The following TRIM46 variants were observed in gnomAD, a reference collection of about 807,000 sequenced individuals.
TRIM46 encodes the protein tripartite motif containing 46.
In TRIM46, 17 loss-of-function variants were observed where a neutral mutation model predicts 69.7. That is an observed-to-expected ratio of 0.24 (90% CI 0.17 to 0.37). The LOEUF is 0.37. Ranked by LOEUF, TRIM46 falls within the 10% of genes least tolerant of loss-of-function variation. TRIM46 has a pLI of 1.00. For missense variants in TRIM46, 675 were observed against 1,025.1 expected (o/e 0.66, Z 4.66); for synonymous variants, 391 against 429.0 (o/e 0.91, Z 1.09).
chr1:155,174,724 C>G, intron 1 of TRIM46: 1 of 1,442,024 alleles, frequency 6.9e-7, no homozygotes, highest in Non-Finnish European at 9.1e-7. Flanking sequence ...GGGGAGGGGG[C>G]GAGTAGGCGG....
rs559992725 is a variant in TRIM46, at chr1:155,176,427, A to T, written c.669+196A>T. On this transcript the variant is annotated intron_variant, in intron 3 of 9. Transcript: ENST00000334634. ...GCCTCCATCTCATTTACATCCCTGTAGGGGGATGGTAGTATCTGCCCTGCA... is the reference window on the plus strand; with the variant it reads ...GCCTCCATCTCATTTACATCCCTGTTGGGGGATGGTAGTATCTGCCCTGCA... Among the ~76,000 whole-genome samples the T allele has an allele frequency of 3.3e-5, 5 of 152,350 alleles. No individual in the cohort carries two copies. In the South Asian group the frequency reaches 1.0e-3, roughly 32 times the overall value.
chr1:155,183,039 T>C (rs1371104022), intron 9 of TRIM46, among the ~76,000 whole-genome samples: 3 of 150,948 alleles, frequency 2.0e-5, no homozygotes, highest in East Asian at 2.0e-4. Flanking sequence ...GCCTCCCGAG[T>C]AGCTGGGACT....
chr1:155,178,643 C>T (rs373216490), intron 7 of TRIM46, 30 bp downstream of exon 7: 2 of 1,608,372 alleles, frequency 1.2e-6, no homozygotes, highest in Non-Finnish European at 1.7e-6. Flanking sequence ...CCATGCCCAA[C>T]CAGAGCCTTC....
chr1:155,182,968 C>T (rs1266747270), intron 9 of TRIM46: 2 of 137,314 alleles, frequency 1.5e-5, no homozygotes, highest in Non-Finnish European at 3.1e-5. Flanking sequence ...TGGAGTCTAG[C>T]GGCGCGATCT....
In TRIM46 at chr1:155,178,575, G is replaced by C; in HGVS notation, c.1247G>C (p.Arg416Pro). The change falls in exon 7 of 10, where the codon CGT becomes CCT. Residue 416 changes from arginine to proline, a missense_variant. Arg to Pro is a moderately radical substitution (Grantham distance 103). This residue lies in a region of TRIM46 where 361 missense variants were observed against 498.3 expected (regional missense o/e 0.72). Transcript: ENST00000334634. ...SFRHCQLDVG[R>P]EMKLLTELNF... ...CGCCATTGCCAGCTCGACGTGGGAC[G>C]TGAGATGAAGCTGCTGACAGAGCTT... The C allele has an allele frequency of 6.2e-7, 1 of 1,614,010 alleles. No individual in the cohort carries two copies. Among genetic ancestry groups the C allele is most frequent in the Non-Finnish European group, 8.5e-7 (1 of 1,180,018 alleles).
chr1:155,178,754 C>G, intron 7 of TRIM46, 141 bp downstream of exon 7: 1 of 1,500,892 alleles, frequency 6.7e-7, no homozygotes, highest in Non-Finnish European at 8.9e-7. Flanking sequence ...CCCAGCCCAC[C>G]CTGCCACACC....
intron 9 of TRIM46, among the ~76,000 whole-genome samples, chr1:155,183,341 C>G (rs1666323839): frequency 6.6e-6 from 1 of 151,758 alleles, no homozygotes; most frequent in Admixed American, 6.6e-5. Flanking sequence ...ACCCCATTGT[C>G]CCCAACCCCG....
chr1:155,174,634 G>T, intron 1 of TRIM46: 1 of 1,527,880 alleles, frequency 6.5e-7, no homozygotes, highest in South Asian at 1.2e-5. Context: ...GCGAAGAGAG[G>T]GACCAAGGTG....
At chr1:155,178,739 T>TTTGCCCCCCCCCC in intron 7 of TRIM46, 126 bp downstream of exon 7, 1 of 1,348,474 alleles carries the variant, frequency 7.4e-7, no homozygotes, top group Non-Finnish European at 1.0e-6. Context: ...CAGCCATTCC[T>TTTGCCCCCCCCCC]CCCACCCAGC....
In TRIM46 at chr1:155,181,342, G is replaced by A. The variant is rs769953789; in HGVS notation, c.1589-510G>A. On this transcript the variant is annotated intron_variant, in intron 8 of 9. Transcript: ENST00000334634. This position sits in a 1 kb window ranked among gnomAD's most constrained non-coding sequence, Gnocchi z 4.3. ...CAATGGGAGTCTGAGTACAGTGTCC[G>A]GCTCATGGTTAGGGCTCAAGAATGT... Among the ~76,000 whole-genome samples the A allele has an allele frequency of 2.6e-5, 4 of 152,192 alleles. No individual in the cohort carries two copies. Among genetic ancestry groups the A allele is most frequent in the Non-Finnish European group, 5.9e-5 (4 of 68,046 alleles).
chr1:155,177,367 C>A, intron 5 of TRIM46, 77 bp downstream of exon 5: 1 of 1,269,460 alleles, frequency 7.9e-7, no homozygotes, highest in Non-Finnish European at 1.1e-6. Flanking sequence ...TGATCATGAC[C>A]CAATCACCTT....
At chr1:155,176,871 G>A (rs1665699159) in intron 3 of TRIM46, 61 bp from the exon 4 acceptor site, 2 of 1,584,888 alleles carry the variant, frequency 1.3e-6, no homozygotes, top group Middle Eastern at 1.7e-4. Context: ...TGCTGTAGTG[G>A]TAGCATAGCA....
rs758509423 is a variant in TRIM46 at position 155,183,825 on chromosome 1, G to A, written c.1915G>A (p.Gly639Ser). ...RYDPDSGHDS[G>S]AEDATVEASP... is the part of the protein sequence containing the mutation. ...CGACCCGGACAGCGGGCACGACAGC[G>A]GTGCCGAGGATGCCACAGTGGAGGC... The change falls in exon 10 of 10, where the codon GGT becomes AGT. Residue 639 changes from glycine (G) to serine (S), a missense_variant. Gly to Ser is a moderately conservative substitution (Grantham distance 56, BLOSUM62 0). This residue lies in a region of TRIM46 where 35 missense variants were observed against 99.3 expected (regional missense o/e 0.35). Transcript: ENST00000334634. The A allele has an allele frequency of 9.3e-6, 15 of 1,607,330 alleles. No individual in the cohort carries two copies. The highest frequency in any genetic ancestry group is 2.2e-5 in the East Asian group (1 of 44,904).
Position 155,184,166 on chromosome 1 carries a change from T to C in TRIM46, c.2256T>C (p.Ile752=). ...VGTKPERKVT[I]GGFAKLD is the part of the protein sequence containing the mutation. ...CTAAGCCTGAGAGGAAAGTCACCATTGGGGGCTTCGCCAAGCTGGACTGAG... is the reference window on the plus strand; with the variant it reads ...CTAAGCCTGAGAGGAAAGTCACCATCGGGGGCTTCGCCAAGCTGGACTGAG... The change falls in exon 10 of 10, where the codon ATT becomes ATC. Residue 752 remains isoleucine, a synonymous_variant. Transcript: ENST00000334634. The surrounding 1 kb of genome is among the most constrained non-coding windows in gnomAD (Gnocchi z 5.6). The C allele has an allele frequency of 6.2e-7, 1 of 1,611,762 alleles. No individual in the cohort carries two copies. The highest frequency in any genetic ancestry group is 1.1e-5 in the South Asian group (1 of 90,948).
Position 155,175,348 on chromosome 1 carries a change from T to A in TRIM46, c.64-38T>A. 6.2e-7 allele frequency: 1 copy of A among 1,609,604 alleles called. No homozygotes were observed. Among genetic ancestry groups the A allele is most frequent in the East Asian group, 2.2e-5 (1 of 44,856 alleles). On this transcript the variant is annotated intron_variant, in intron 1 of 9. Coordinates refer to ENST00000334634, the MANE Select transcript of TRIM46 (RefSeq NM_025058.5). This position sits in a 1 kb window ranked among gnomAD's most constrained non-coding sequence, Gnocchi z 4.2. ...AAGGGGCTGCTGAGGTATGCCTAAGTGTCCAAGCGCTGACCTAGCCTCCTG... is the reference window on the plus strand; with the variant it reads ...AAGGGGCTGCTGAGGTATGCCTAAGAGTCCAAGCGCTGACCTAGCCTCCTG...
chr1:155,175,226 G>A lies in TRIM46; in HGVS notation c.64-160G>A. The A allele has an allele frequency of 3.3e-6, 5 of 1,503,060 alleles. No homozygotes were observed. The highest frequency in any genetic ancestry group is 2.6e-6 in the Non-Finnish European group (3 of 1,137,092). The allele number at this position is 1,503,060 out of a possible 1,614,324, so 93.1% of individuals were successfully genotyped here. On this transcript the variant is annotated intron_variant, in intron 1 of 9. Coordinates refer to ENST00000334634, the MANE Select transcript of TRIM46 (RefSeq NM_025058.5). This position sits in a 1 kb window ranked among gnomAD's most constrained non-coding sequence, Gnocchi z 4.2. Reference sequence around the variant, plus strand: ...AGAGAAGCAAGGGACAGAGGTCTGGGAAGGTCTGTGAACCAGCCCAAGGCA... The same window carrying A: ...AGAGAAGCAAGGGACAGAGGTCTGGAAAGGTCTGTGAACCAGCCCAAGGCA...
chr1:155,184,231 C>T lies in TRIM46; in HGVS notation c.*41C>T. 6 of 1,521,326 alleles carry T rather than the reference C, an allele frequency of 3.9e-6. No individual in the cohort carries two copies. Among genetic ancestry groups the T allele is most frequent in the Non-Finnish European group, 5.3e-6 (6 of 1,138,188 alleles). The allele number at this position is 1,521,326 out of a possible 1,614,324, so 94.2% of individuals were successfully genotyped here. A position where few individuals can be genotyped will look rare whatever the true frequency, so the allele number is the denominator to read the frequency against. On this transcript the variant is annotated 3_prime_UTR_variant, in exon 10 of 10. Coordinates refer to ENST00000334634, the MANE Select transcript of TRIM46 (RefSeq NM_025058.5). This position sits in a 1 kb window ranked among gnomAD's most constrained non-coding sequence, Gnocchi z 5.6. Reference sequence around the variant, plus strand: ...CATGCAGACCTGGGGTCCTCCTGGGCCCTGGCCCCCAAACCTCTTGGCACC... The same window carrying T: ...CATGCAGACCTGGGGTCCTCCTGGGTCCTGGCCCCCAAACCTCTTGGCACC...
rs900729916 is a variant in TRIM46, at chr1:155,181,112, C to T, written c.1589-740C>T. ...ATAATTAGCTGGGTGTGGTTGCAGG[C>T]GCCTGTAATCCCAGCTACTTGGAAG... On this transcript the variant is annotated intron_variant, in intron 8 of 9. Transcript: ENST00000334634. This position sits in a 1 kb window ranked among gnomAD's most constrained non-coding sequence, Gnocchi z 4.3. Among the ~76,000 whole-genome samples, 9 of 142,124 alleles carry T rather than the reference C, an allele frequency of 6.3e-5. No individual in the cohort carries two copies. The highest frequency in any genetic ancestry group is 1.1e-4 in the Non-Finnish European group (7 of 64,862). The allele number at this position is 142,124 out of a possible 152,430, so 93.2% of individuals were successfully genotyped here. A position where few individuals can be genotyped will look rare whatever the true frequency, so the allele number is the denominator to read the frequency against.
Position 155,184,332 on chromosome 1 carries a change from T to G in TRIM46, c.*142T>G. On this transcript the variant is annotated 3_prime_UTR_variant, in exon 10 of 10. Coordinates refer to ENST00000334634, the MANE Select transcript of TRIM46 (RefSeq NM_025058.5). This position sits in a 1 kb window ranked among gnomAD's most constrained non-coding sequence, Gnocchi z 5.6. Reference sequence around the variant, plus strand: ...CCTGCTCCTTCTCCCGTGTCTGTCTTCCCACAGTTTTCTCTTGACCCAGGG... The same window carrying G: ...CCTGCTCCTTCTCCCGTGTCTGTCTGCCCACAGTTTTCTCTTGACCCAGGG... 1.1e-6 allele frequency: 1 copy of G among 941,290 alleles called. No individual in the cohort carries two copies. The highest frequency in any genetic ancestry group is 1.5e-6 in the Non-Finnish European group (1 of 650,606). 58.3% of individuals were successfully genotyped at this position (941,290 alleles called of 1,614,324 possible). A position where few individuals can be genotyped will look rare whatever the true frequency, so the allele number is the denominator to read the frequency against.
Sources: gnomAD v4.1 joint callset for allele counts (sites outside exome capture counted in the v4.1 genomes callset) on GRCh38, gnomAD v4.1.1 for gene constraint, gnomAD v4.1.1 regional missense constraint, Gnocchi (gnomAD v3.1) non-coding constraint, MANE v1.5 for transcripts, NCBI Gene and HGNC (gene_info 2026-07-23, HGNC 2026-07-21) for gene names.